The following PARN variants were observed in gnomAD, a reference collection of about 807,000 sequenced individuals.
PARN encodes the protein poly(A)-specific ribonuclease.
In PARN, 71 loss-of-function variants were observed where a neutral mutation model predicts 102.8. That is an observed-to-expected ratio of 0.69 (90% confidence interval 0.57 to 0.84). PARN has a LOEUF of 0.84. Ranked by LOEUF, PARN falls within the 40% of genes least tolerant of loss-of-function variation. PARN has a pLI of 0.00. For synonymous variants in PARN, 261 were observed against 252.9 expected, an observed-to-expected ratio of 1.03 and a Z score of -0.30; for missense variants, 782 against 760.9, an observed-to-expected ratio of 1.03 and a Z score of -0.33.
chr16:14,477,084 T>C (rs534148591), intron 22 of PARN, among the ~76,000 whole-genome samples: 2 of 152,288 alleles, frequency 1.3e-5, no homozygotes, highest in East Asian at 1.9e-4. Context: ...CATACTTTCA[T>C]TGTAAAGACA....
intron 12 of PARN, among the ~76,000 whole-genome samples, chr16:14,597,463 A>G (rs1187005556): frequency 6.6e-6 from 1 of 151,890 alleles, no homozygotes; most frequent in Non-Finnish European, 1.5e-5. Context: ...TTGGGAGGCC[A>G]AGGCAGGCGG....
chr16:14,626,973 C>T (rs949427768), intron 5 of PARN, 133 bp downstream of exon 5: 2 of 642,876 alleles, frequency 3.1e-6, no homozygotes, highest in Non-Finnish European at 5.5e-6. Context: ...ATTTATTACC[C>T]TAAAACTGAA....
At chr16:14,483,870 G>A (rs770583178) in intron 21 of PARN, among the ~76,000 whole-genome samples, 1 of 152,028 alleles carries the variant, frequency 6.6e-6, no homozygotes, top group Non-Finnish European at 1.5e-5. Flanking sequence ...ATAGTTTTGG[G>A]GGAACAGGTG....
intron 22 of PARN, among the ~76,000 whole-genome samples, chr16:14,467,596 T>C (rs775137815): frequency 6.6e-6 from 1 of 152,240 alleles, no homozygotes; most frequent in African/African-American, 2.4e-5. Flanking sequence ...TTCTGCAGCA[T>C]TGCATGATAT....
rs142436330 is a variant in PARN at position 14,604,386 on chromosome 16, G to A, written c.703-160C>T. Among the ~76,000 whole-genome samples, 1,261 of 151,932 alleles carry A rather than the reference G, an allele frequency of 8.3e-3. 21 individuals carry two copies. The highest frequency in any genetic ancestry group is 0.028 in the African/African-American group (1,173 of 41,418). ...AGCGATTATCTTACCTTAGCCTCCCGAGTAGCTGGGATTACAGGCTTGTGC... is the reference window on the plus strand; with the variant it reads ...AGCGATTATCTTACCTTAGCCTCCCAAGTAGCTGGGATTACAGGCTTGTGC... On this transcript the variant is annotated intron_variant, in intron 10 of 23. Transcript: ENST00000437198.
At chr16:14,621,676 G>T (rs961095544) in intron 5 of PARN, among the ~76,000 whole-genome samples, 1 of 152,038 alleles carries the variant, frequency 6.6e-6, no homozygotes, top group African/African-American at 2.4e-5. Context: ...GCTGGGCATG[G>T]TGGCAGCGCC....
chr16:14,456,642 T>C (rs1961692785), intron 22 of PARN, among the ~76,000 whole-genome samples: 1 of 152,056 alleles, frequency 6.6e-6, no homozygotes, highest in African/African-American at 2.4e-5. Context: ...ACACTCCCAT[T>C]TTGCAGACAA....
At chr16:14,487,500 A>T (rs935773437) in intron 21 of PARN, among the ~76,000 whole-genome samples, 10 of 152,226 alleles carry the variant, frequency 6.6e-5, no homozygotes, top group African/African-American at 2.4e-4. Context: ...AAGACAACAT[A>T]AGATGTAGAT....
intron 13 of PARN, among the ~76,000 whole-genome samples, chr16:14,587,727 G>A (rs1203416477): frequency 1.3e-5 from 2 of 152,192 alleles, no homozygotes; most frequent in Non-Finnish European, 1.5e-5. Flanking sequence ...CTCTGACAAT[G>A]CCAGAACATA....
chr16:14,501,702 G>A (rs1964629355), intron 21 of PARN: 2 of 152,080 alleles, frequency 1.3e-5, no homozygotes, highest in Admixed American at 1.3e-4. Context: ...GCAGCCCGCT[G>A]GAATGCTGAG....
At chr16:14,571,657 G>C (rs1360962852) in intron 18 of PARN, among the ~76,000 whole-genome samples, 1 of 152,102 alleles carries the variant, frequency 6.6e-6, no homozygotes, top group Admixed American at 6.5e-5. Flanking sequence ...CTCAAACTAT[G>C]TCACCACAGC....
intron 12 of PARN, among the ~76,000 whole-genome samples, chr16:14,596,532 T>TCAAGACCA (rs977012445): frequency 6.6e-6 from 1 of 151,404 alleles, no homozygotes; most frequent in African/African-American, 2.4e-5. Context: ...GCCTAAGAGT[T>TCAAGACCA]CAAGACCAGC....
At chr16:14,623,342 C>G (rs909512275) in intron 5 of PARN, among the ~76,000 whole-genome samples, 2 of 151,206 alleles carry the variant, frequency 1.3e-5, no homozygotes, top group African/African-American at 4.9e-5. Flanking sequence ...GGTGAAACCC[C>G]GTCTCTACTA....
intron 8 of PARN, 140 bp downstream of exon 8, chr16:14,608,914 AAAGT>A: frequency 1.6e-6 from 1 of 621,150 alleles, no homozygotes; most frequent in East Asian, 2.8e-5. Flanking sequence ...GTGTAACGCT[AAAGT>A]TAGTGTTTAA....
intron 16 of PARN, 142 bp from the exon 17 acceptor site, chr16:14,582,433 A>G (rs1351238325): frequency 6.4e-6 from 4 of 623,282 alleles, no homozygotes; most frequent in East Asian, 5.4e-5. Flanking sequence ...TTCTCTCTAT[A>G]TAAGACCTTA....
Position 14,628,165 on chromosome 16 carries a change from C to T in PARN, c.177+7G>A. The T allele has an allele frequency of 2.0e-6, 3 of 1,505,656 alleles. No homozygotes were observed. Among genetic ancestry groups the T allele is most frequent in the Non-Finnish European group, 2.8e-6 (3 of 1,083,974 alleles). 93.3% of individuals were successfully genotyped at this position (1,505,656 alleles called of 1,614,324 possible). A position where few individuals can be genotyped will look rare whatever the true frequency, so the allele number is the denominator to read the frequency against. ...AAAGAAAAAGATTTCCTAGCACATC[C>T]ACTTGCCTTTTTAAGCTTCTGATAC... On this transcript the variant is annotated splice_region_variant and intron_variant, in intron 3 of 23. Transcript: ENST00000437198.
At chr16:14,583,662 A>G (rs1969663642) in intron 16 of PARN, among the ~76,000 whole-genome samples, 1 of 152,214 alleles carries the variant, frequency 6.6e-6, no homozygotes, top group African/African-American at 2.4e-5. Flanking sequence ...AATACTTTGC[A>G]TTATCAATTT....
intron 22 of PARN, among the ~76,000 whole-genome samples, chr16:14,470,813 C>G (rs1962697178): frequency 6.6e-6 from 1 of 151,694 alleles, no homozygotes; most frequent in Non-Finnish European, 1.5e-5. Context: ...CTCTGTTGCC[C>G]AGGGTCTTGC....
At chr16:14,450,519 TAC>T (rs542202479) in intron 22 of PARN, among the ~76,000 whole-genome samples, 14 of 151,396 alleles carry the variant, frequency 9.2e-5, no homozygotes, top group South Asian at 4.2e-4. Context: ...TATTTATGTA[TAC>T]ACACACACAC....
Sources: allele counts gnomAD v4.1 joint callset (sites outside exome capture counted in the v4.1 genomes callset), GRCh38; gene constraint gnomAD v4.1.1; transcripts MANE v1.5; gene names NCBI Gene and HGNC (gene_info 2026-07-23, HGNC 2026-07-21).